The following HECTD2 variants were observed in gnomAD, a reference collection of about 807,000 sequenced individuals.
HECTD2 encodes HECT domain E3 ubiquitin protein ligase 2, also known as probable E3 ubiquitin-protein ligase HECTD2.
HECTD2 carries 35 observed loss-of-function variants against 103.2 expected under a neutral mutation model. That is an observed-to-expected ratio of 0.34 (90% CI 0.26 to 0.45). The LOEUF is 0.45. Among genes scored for constraint, HECTD2 ranks in the 20% least tolerant of loss-of-function variants. The probability of loss-of-function intolerance (pLI) is 1.00; values close to 1 mark genes in which losing one functional copy is unlikely to be tolerated. For missense variants in HECTD2, 596 were observed against 937.4 expected (o/e 0.64, Z 4.76); for synonymous variants, 281 against 329.9 (o/e 0.85, Z 1.61).
upstream of HECTD2, among the ~76,000 whole-genome samples, chr10:91,409,945 AC>A (rs931807455): frequency 3.9e-5 from 6 of 152,042 alleles, no homozygotes; most frequent in Admixed American, 3.9e-4. Context: ...CCCTACTGGT[AC>A]CACTCGGACA....
rs1843099664 is a variant in HECTD2, at chr10:91,415,700, T to C, written c.138+5124T>C. 3.3e-5 allele frequency among the ~76,000 whole-genome samples: 5 copies of C among 152,200 alleles called. No individual in the cohort carries two copies. In the South Asian group the frequency reaches 1.0e-3, roughly 31 times the overall value. On this transcript the variant is annotated intron_variant, in intron 1 of 20. Transcript: ENST00000298068. ...GTCATAGGTAATAGGGACCATGTGG[T>C]ACAAAGAAGCTGCACCTATGGCAGT...
At chr10:91,445,935 GATT>G (rs1196028275) in intron 2 of HECTD2, among the ~76,000 whole-genome samples, 1 of 152,090 alleles carries the variant, frequency 6.6e-6, no homozygotes, top group Non-Finnish European at 1.5e-5. Flanking sequence ...AGGGCCCTGG[GATT>G]CAAGCACAAA....
intron 20 of HECTD2, among the ~76,000 whole-genome samples, chr10:91,503,418 G>A (rs903211534): frequency 5.9e-5 from 9 of 152,138 alleles, no homozygotes; most frequent in African/African-American, 2.2e-4. Flanking sequence ...CAGTGGGTGC[G>A]CACACCGTGC....
At chr10:91,476,980 A>G (rs562319577) in intron 5 of HECTD2, among the ~76,000 whole-genome samples, 144 of 150,866 alleles carry the variant, frequency 9.5e-4, no homozygotes, top group African/African-American at 3.3e-3. Context: ...GGAGATCGAG[A>G]CCATCCTGGC....
intron 2 of HECTD2, among the ~76,000 whole-genome samples, chr10:91,444,032 T>TAAATAAATG (rs769419049): frequency 2.0e-4 from 30 of 152,080 alleles, no homozygotes; most frequent in Non-Finnish European, 3.1e-4. Context: ...CAGCAGAAAA[T>TAAATAAATG]AAATAAATGA....
At chr10:91,472,935 C>T (rs1845777665) in intron 5 of HECTD2, among the ~76,000 whole-genome samples, 1 of 151,958 alleles carries the variant, frequency 6.6e-6, no homozygotes, top group Admixed American at 6.6e-5. Flanking sequence ...AGAAATTTCT[C>T]AGAGTAGAAC....
At chr10:91,414,494 C>G (rs899506894) in intron 1 of HECTD2, among the ~76,000 whole-genome samples, 11 of 152,048 alleles carry the variant, frequency 7.2e-5, no homozygotes, top group Non-Finnish European at 1.6e-4. Context: ...TGCAAAAAGA[C>G]AAGGTTTTAA....
upstream of HECTD2, chr10:91,410,152 C>T (rs139084796): frequency 5.1e-3 from 773 of 152,052 alleles, 5 homozygotes; most frequent in Non-Finnish European, 7.7e-3. Context: ...GGGACTACCG[C>T]CGGCGCTCCC....
intron 2 of HECTD2, among the ~76,000 whole-genome samples, chr10:91,433,682 G>A (rs1169086528): frequency 6.6e-6 from 1 of 151,906 alleles, no homozygotes; most frequent in Non-Finnish European, 1.5e-5. Flanking sequence ...TTCATCTGCA[G>A]GTTTATCTAT....
intron 20 of HECTD2, among the ~76,000 whole-genome samples, chr10:91,502,761 A>G (rs1380550730): frequency 1.3e-5 from 2 of 152,158 alleles, no homozygotes; most frequent in Non-Finnish European, 2.9e-5. Flanking sequence ...TCCAATTTTA[A>G]AAGAGTAATC....
chr10:91,499,195 T>C, intron 18 of HECTD2, 45 bp downstream of exon 18: 1 of 985,540 alleles, frequency 1.0e-6, no homozygotes, highest in Non-Finnish European at 1.6e-6. Context: ...GCTTTTGTAG[T>C]ACTATCATGT....
chr10:91,456,774 A>G (rs1253367411), intron 2 of HECTD2, among the ~76,000 whole-genome samples: 1 of 152,108 alleles, frequency 6.6e-6, no homozygotes, highest in Admixed American at 6.6e-5. Flanking sequence ...TTCAAAACAA[A>G]TATCTAAGCC....
intron 5 of HECTD2, among the ~76,000 whole-genome samples, chr10:91,465,019 G>GT (rs1396414286): frequency 6.6e-6 from 1 of 152,112 alleles, no homozygotes; most frequent in Non-Finnish European, 1.5e-5. Flanking sequence ...ATACATAGTA[G>GT]TTTAACTATA....
At chr10:91,430,185 A>G (rs1413625823) in intron 2 of HECTD2, among the ~76,000 whole-genome samples, 2 of 151,986 alleles carry the variant, frequency 1.3e-5, no homozygotes, top group African/African-American at 2.4e-5. Flanking sequence ...GTAGTTGAGC[A>G]GTTTTGAGTG....
chr10:91,461,769 G>A (rs369190810), intron 4 of HECTD2, among the ~76,000 whole-genome samples: 6 of 152,118 alleles, frequency 3.9e-5, no homozygotes, highest in Admixed American at 2.6e-4. Flanking sequence ...GGCTGGTCTC[G>A]AACTCCCGAC....
intron 2 of HECTD2, among the ~76,000 whole-genome samples, chr10:91,453,893 A>G (rs1399479890): frequency 6.6e-6 from 1 of 152,136 alleles, no homozygotes; most frequent in East Asian, 1.9e-4. Context: ...CTGCATTAAT[A>G]TCAGATAAAG....
chr10:91,452,238 A>G (rs1844865681), intron 2 of HECTD2, among the ~76,000 whole-genome samples: 1 of 152,126 alleles, frequency 6.6e-6, no homozygotes, highest in African/African-American at 2.4e-5. Context: ...ATGACTGAAA[A>G]TTTTCTACAT....
chr10:91,442,027 CTT>C (rs1272438696), intron 2 of HECTD2, among the ~76,000 whole-genome samples: 2 of 68,890 alleles, frequency 2.9e-5, no homozygotes, highest in Non-Finnish European at 2.4e-5. Flanking sequence ...GGTCTTGACT[CTT>C]TTTCCAATTT....
At chr10:91,491,105 G>C in intron 11 of HECTD2, 95 bp from the exon 12 acceptor site, 1 of 603,308 alleles carries the variant, frequency 1.7e-6, no homozygotes, top group South Asian at 1.9e-5. Context: ...AAATGGCATA[G>C]ATAATAATTG....
Sources: gnomAD v4.1 joint callset for allele counts (sites outside exome capture counted in the v4.1 genomes callset) on GRCh38, gnomAD v4.1.1 for gene constraint, MANE v1.5 for transcripts, NCBI Gene and HGNC (gene_info 2026-07-23, HGNC 2026-07-21) for gene names.